The following RTN4 variants were observed in gnomAD, a reference collection of about 807,000 sequenced individuals.
The protein encoded by RTN4 is reticulon-4.
RTN4 carries 32 observed loss-of-function variants against 90.4 expected under a neutral mutation model. The ratio of observed to expected loss-of-function variants is 0.35; its 90% CI spans 0.27 to 0.48. The LOEUF (loss-of-function observed/expected upper bound fraction) is 0.48, where lower values mean the gene tolerates loss of function less well. Ranked by LOEUF, RTN4 falls within the 20% of genes least tolerant of loss-of-function variation. RTN4 has a pLI of 0.99. For synonymous variants in RTN4, 629 were observed against 552.5 expected, an observed-to-expected ratio of 1.14 and a Z score of -1.94; for missense variants, 1,706 against 1,430.2, an observed-to-expected ratio of 1.19 and a Z score of -3.11.
rs71769973 is a variant in RTN4, at chr2:54,985,153, CTTTTTTTTTTT to C, written c.3221+2327_3221+2337del. On this transcript the variant is annotated intron_variant, in intron 4 of 8. Coordinates refer to ENST00000337526, the MANE Select transcript of RTN4 (RefSeq NM_020532.5). Reference sequence around the variant, plus strand: ...TGGCTTGATAATAATATGACTCGGCCTTTTTTTTTTTTTTTTTTTTTTTTTTGAAAGAGTCT... The same window carrying C: ...TGGCTTGATAATAATATGACTCGGCCTTTTTTTTTTTTTTTGAAAGAGTCT... 3.1e-4 allele frequency among the ~76,000 whole-genome samples: 18 copies of C among 57,896 alleles called. No homozygotes were observed. In the Admixed American group the frequency reaches 3.9e-3, roughly 12 times the overall value. The allele number at this position is 57,896 out of a possible 152,430, so 38.0% of individuals were successfully genotyped here. A position where few individuals can be genotyped will look rare whatever the true frequency, so the allele number is the denominator to read the frequency against.
chr2:55,010,378 T>G, intron 3 of RTN4: 1 of 1,288,818 alleles, frequency 7.8e-7, no homozygotes, highest in South Asian at 2.5e-5. Flanking sequence ...CTGTTGATTG[T>G]TTTAGGCATT....
chr2:54,974,639 C>T (rs1677459038), intron 6 of RTN4, 56 bp downstream of exon 6: 2 of 1,338,454 alleles, frequency 1.5e-6, no homozygotes, highest in Middle Eastern at 1.8e-4. Flanking sequence ...AATGTCTAAG[C>T]TCCTGGCACA....
intron 1 of RTN4, among the ~76,000 whole-genome samples, chr2:55,101,396 T>C (rs1322938011): frequency 7.2e-5 from 11 of 152,166 alleles, no homozygotes; most frequent in African/African-American, 2.2e-4. Context: ...AGATTTCTCA[T>C]GGTAGCTTCT....
Position 55,027,273 on chromosome 2 carries a change from C to T in RTN4, c.826G>A (p.Val276Ile). 6.2e-7 allele frequency: 1 copy of T among 1,613,686 alleles called. No individual in the cohort carries two copies. The highest frequency in any genetic ancestry group is 8.5e-7 in the Non-Finnish European group (1 of 1,179,784). ...AGTAGAGTTTTTGCCTTCTCTGAGACCTCTTTAGAAGCTTCACTGACATTT... is the reference window on the plus strand; with the variant it reads ...AGTAGAGTTTTTGCCTTCTCTGAGATCTCTTTAGAAGCTTCACTGACATTT... Reference protein sequence around the residue: ...QENVSEASKEVSEKAKTLLID... With the variant: ...QENVSEASKEISEKAKTLLID... The change falls in exon 3 of 9, where the codon GTC (valine) becomes ATC (isoleucine). Residue 276 changes from valine (V) to isoleucine (I), a missense_variant. Coordinates refer to ENST00000337526, the MANE Select transcript of RTN4 (RefSeq NM_020532.5).
chr2:55,021,855 T>C (rs770147970), intron 3 of RTN4, among the ~76,000 whole-genome samples: 4 of 152,170 alleles, frequency 2.6e-5, no homozygotes, highest in Non-Finnish European at 5.9e-5. Flanking sequence ...ATATATATAT[T>C]GGGTGTATCT....
At chr2:55,118,831 G>A in the RTN4 span, among the ~76,000 whole-genome samples, 2 of 152,214 alleles carry the variant, frequency 1.3e-5, no homozygotes, top group African/African-American at 4.8e-5. Flanking sequence ...TTGCTATCAG[G>A]CTTCAACCAT....
At chr2:55,058,902 C>G (rs1315851431) in intron 2 of RTN4, among the ~76,000 whole-genome samples, 2 of 151,848 alleles carry the variant, frequency 1.3e-5, no homozygotes, top group Non-Finnish European at 2.9e-5. Context: ...AGAGGAGGGT[C>G]TCACTGTGTT....
intron 3 of RTN4, among the ~76,000 whole-genome samples, chr2:54,987,958 A>G (rs1277136973): frequency 1.3e-5 from 2 of 152,214 alleles, no homozygotes; most frequent in East Asian, 3.8e-4. Flanking sequence ...CATTCTAGCC[A>G]TACACAATGA....
chr2:55,034,558 T>C (rs1448848154), intron 1 of RTN4, among the ~76,000 whole-genome samples: 6 of 152,082 alleles, frequency 3.9e-5, no homozygotes, highest in Admixed American at 3.9e-4. Context: ...TATCTTCAGA[T>C]AAAAGCTGAA....
intron 2 of RTN4, among the ~76,000 whole-genome samples, chr2:55,075,401 A>G (rs1668582633): frequency 1.3e-5 from 2 of 152,222 alleles, no homozygotes; most frequent in African/African-American, 4.8e-5. Context: ...AAAGGCCATT[A>G]CGAGGAAAAT....
At chr2:55,068,678 A>AGGG (rs753135042) in intron 2 of RTN4, among the ~76,000 whole-genome samples, 2 of 50,376 alleles carry the variant, frequency 4.0e-5, no homozygotes, top group Non-Finnish European at 9.2e-5. Flanking sequence ...ACAAAAAAAA[A>AGGG]GGGGGGGGGG....
rs781392565 is a variant in RTN4, at chr2:55,028,213, G to A, written c.564C>T (p.Thr188=). The part of the protein sequence containing the change: ...RRGSSGSVDE[T]LFALPAASEP... ...CAGATGCAGCAGGAAGAGCAAAAAG[G>A]GTCTCATCTGAAAAACAAATAGAAT... The change falls in exon 2 of 9, where the codon ACC becomes ACT. Residue 188 remains threonine (T), a synonymous_variant. Coordinates refer to ENST00000337526, the MANE Select transcript of RTN4 (RefSeq NM_020532.5). 6.2e-7 allele frequency: 1 copy of A among 1,612,478 alleles called. No homozygotes were observed. The highest frequency in any genetic ancestry group is 8.5e-7 in the Non-Finnish European group (1 of 1,179,138).
chr2:55,027,560 C>T, intron 2 of RTN4, 75 bp from the exon 3 acceptor site: 1 of 1,437,802 alleles, frequency 7.0e-7, no homozygotes, highest in Non-Finnish European at 9.4e-7. Flanking sequence ...ATGACAGATC[C>T]AAAATAGTGT....
Position 55,049,884 on chromosome 2 carries a change from A to G in RTN4, c.417T>C (p.Pro139=), listed in dbSNP as rs1668002328. ...SPSKLPEDDE[P]PARPPPPPPA... Reference sequence around the variant, plus strand: ...GGGGAGGAGGGGGAGGCCGGGCCGGAGGCTCGTCGTCCTCAGGGAGCTTGG... The same window carrying G: ...GGGGAGGAGGGGGAGGCCGGGCCGGGGGCTCGTCGTCCTCAGGGAGCTTGG... Residue 139 remains proline (P), a synonymous_variant, in exon 1 of 9, where the codon CCT becomes CCC. Coordinates refer to ENST00000337526, the MANE Select transcript of RTN4 (RefSeq NM_020532.5). 3 of 1,318,478 alleles carry G rather than the reference A, an allele frequency of 2.3e-6. No individual in the cohort carries two copies. Among genetic ancestry groups the G allele is most frequent in the Non-Finnish European group, 2.9e-6 (3 of 1,037,896 alleles). The allele number at this position is 1,318,478 out of a possible 1,614,324, so 81.7% of individuals were successfully genotyped here. A position where few individuals can be genotyped will look rare whatever the true frequency, so the allele number is the denominator to read the frequency against.
At chr2:55,091,657 G>A (rs370871477) in intron 1 of RTN4, among the ~76,000 whole-genome samples, 6 of 152,090 alleles carry the variant, frequency 3.9e-5, no homozygotes, top group Admixed American at 6.5e-5. Flanking sequence ...GCAGGATACT[G>A]TCTCTCCAAA....
chr2:55,096,081 C>T (rs1669027567), intron 1 of RTN4, among the ~76,000 whole-genome samples: 1 of 152,156 alleles, frequency 6.6e-6, no homozygotes, highest in African/African-American at 2.4e-5. Context: ...GTTCCTAGCA[C>T]TTTGGGAGGC....
chr2:55,017,644 A>G (rs1681139890), intron 3 of RTN4, among the ~76,000 whole-genome samples: 1 of 152,208 alleles, frequency 6.6e-6, no homozygotes, highest in Non-Finnish European at 1.5e-5. Context: ...TCAAGATCTC[A>G]GCAGTTTGGA....
the RTN4 span, among the ~76,000 whole-genome samples, chr2:55,126,375 G>GAA: frequency 9.2e-6 from 1 of 108,458 alleles, no homozygotes. Flanking sequence ...GTCTCAAAAA[G>GAA]AAAAAAAAAA....
At chr2:55,064,431 A>C (rs994716741) in intron 2 of RTN4, among the ~76,000 whole-genome samples, 1 of 149,508 alleles carries the variant, frequency 6.7e-6, no homozygotes, top group African/African-American at 2.5e-5. Flanking sequence ...GCTCACTGCA[A>C]CCTCCGCCTC....
Sources: allele counts gnomAD v4.1 joint callset (sites outside exome capture counted in the v4.1 genomes callset), GRCh38; gene constraint gnomAD v4.1.1; transcripts MANE v1.5; gene names NCBI Gene and HGNC (gene_info 2026-07-23, HGNC 2026-07-21).